Variants in NOL4L observed in about 807,000 individuals in gnomAD.
The protein encoded by NOL4L is nucleolar protein 4 like, also known as nucleolar protein 4-like.
A neutral mutation model predicts 64.5 loss-of-function variants in NOL4L; 7 were observed. That is an observed-to-expected ratio of 0.11 (90% CI 0.06 to 0.20). The LOEUF is 0.20. Ranked by LOEUF, NOL4L falls within the 10% of genes least tolerant of loss-of-function variation. The pLI is 1.00. For missense variants in NOL4L, 680 were observed against 967.1 expected (o/e 0.70, Z 3.94); for synonymous variants, 413 against 401.0 (o/e 1.03, Z -0.36).
intron 6 of NOL4L, among the ~76,000 whole-genome samples, chr20:32,455,494 C>T (rs962940103): frequency 1.3e-5 from 2 of 152,196 alleles, no homozygotes; most frequent in East Asian, 1.9e-4. Context: ...CAGGAAGGCA[C>T]CTCTGGCCCC....
rs142575200 is a variant in NOL4L, at chr20:32,556,750, G to A, written c.321+27820C>T. On this transcript the variant is annotated intron_variant, in intron 1 of 10. Coordinates refer to ENST00000621426, the MANE Select transcript of NOL4L (RefSeq NM_001256798.2). ...CCACTGGGCAGGTCGGGTCTGAGCC[G>A]AGGTGGGCCTGGCAGAGGTCCTGGG... Among the ~76,000 whole-genome samples, 20 of 152,282 alleles carry A rather than the reference G, an allele frequency of 1.3e-4. No individual in the cohort carries two copies. In the South Asian group the frequency reaches 1.9e-3, roughly 14 times the overall value.
At chr20:32,461,894 G>C (rs1293964670) in intron 5 of NOL4L, among the ~76,000 whole-genome samples, 1 of 152,080 alleles carries the variant, frequency 6.6e-6, no homozygotes, top group Non-Finnish European at 1.5e-5. Flanking sequence ...TGGTGCAGCT[G>C]TATTGGGTGG....
intron 4 of NOL4L, among the ~76,000 whole-genome samples, chr20:32,488,565 C>T (rs2016194665): frequency 6.6e-6 from 1 of 152,242 alleles, no homozygotes; most frequent in Non-Finnish European, 1.5e-5. Context: ...ACTCATTTCA[C>T]TGCACACTTG....
At chr20:32,538,553 C>T (rs956258420) in intron 1 of NOL4L, among the ~76,000 whole-genome samples, 2 of 151,580 alleles carry the variant, frequency 1.3e-5, no homozygotes, top group Non-Finnish European at 2.9e-5. Flanking sequence ...GAGAACCCAG[C>T]GTTCCCCAAC....
Position 32,577,123 on chromosome 20 carries a change from G to A in NOL4L, c.321+7447C>T, listed in dbSNP as rs145308978. On this transcript the variant is annotated intron_variant, in intron 1 of 10. Transcript: ENST00000621426. ...TCACAGAACCCAGGGGAGATTAAAT[G>A]GAATAATGTATCTGGCACATGGCAG... Among the ~76,000 whole-genome samples the A allele has an allele frequency of 7.9e-5, 12 of 152,344 alleles. No homozygotes were observed. The East Asian group carries it at 2.3e-3, about 29-fold the overall frequency.
In NOL4L at chr20:32,584,554, C is replaced by T; in HGVS notation, c.321+16G>A. 2 of 1,326,112 alleles carry T rather than the reference C, an allele frequency of 1.5e-6. No individual in the cohort carries two copies. The highest frequency in any genetic ancestry group is 1.9e-6 in the Non-Finnish European group (2 of 1,032,826). The allele number at this position is 1,326,112 out of a possible 1,614,324, so 82.1% of individuals were successfully genotyped here. A position where few individuals can be genotyped will look rare whatever the true frequency, so the allele number is the denominator to read the frequency against. ...CCGCGGCGGGACCCGCCCGCGGCCG[C>T]CGCGCGCGCACTCACCGAGCCCGTC... On this transcript the variant is annotated intron_variant, in intron 1 of 10. Coordinates refer to ENST00000621426, the MANE Select transcript of NOL4L (RefSeq NM_001256798.2).
chr20:32,564,796 G>A (rs1317288086), intron 1 of NOL4L, among the ~76,000 whole-genome samples: 1 of 152,254 alleles, frequency 6.6e-6, no homozygotes, highest in Admixed American at 6.5e-5. Context: ...GCAGCCCAGT[G>A]CCTCGGGGGG....
chr20:32,448,445 G>GA (rs1251647883), intron 10 of NOL4L, among the ~76,000 whole-genome samples: 3 of 152,218 alleles, frequency 2.0e-5, no homozygotes, highest in Non-Finnish European at 2.9e-5. Flanking sequence ...TGTCTGGGGG[G>GA]AGAGGTACAG....
chr20:32,558,366 T>C (rs1978789004), intron 1 of NOL4L, among the ~76,000 whole-genome samples: 1 of 152,230 alleles, frequency 6.6e-6, no homozygotes, highest in Admixed American at 6.5e-5. Flanking sequence ...GTCTCTTCTT[T>C]TGATCAGATC....
chr20:32,447,289 G>GTGAT lies in NOL4L; in HGVS notation c.*303_*306dup, dbSNP rs770272633. ...GATTCTAACATCAGGGTCCACGAAG[G>GTGAT]TGATTCTAAACAGAGCTGCAGCCCC... On this transcript the variant is annotated 3_prime_UTR_variant, in exon 11 of 11. Coordinates refer to ENST00000621426, the MANE Select transcript of NOL4L (RefSeq NM_001256798.2). 1.5e-4 allele frequency: 87 copies of GTGAT among 582,070 alleles called. 1 individual carries two copies. The highest frequency in any genetic ancestry group is 1.3e-3 in the South Asian group (85 of 65,714). 36.1% of individuals were successfully genotyped at this position (582,070 alleles called of 1,614,324 possible).
At chr20:32,498,420 T>TAAAAA (rs11482808) in intron 4 of NOL4L, among the ~76,000 whole-genome samples, 1 of 145,412 alleles carries the variant, frequency 6.9e-6, no homozygotes, top group Non-Finnish European at 1.5e-5. Context: ...TCTGTTCTCT[T>TAAAAA]AAAAAAAAAA....
chr20:32,559,192 A>G (rs539167366), intron 1 of NOL4L, among the ~76,000 whole-genome samples: 212 of 152,148 alleles, frequency 1.4e-3, no homozygotes, highest in Non-Finnish European at 2.6e-3. Flanking sequence ...CTTCCCTATC[A>G]TGAAGGCAGG....
At chr20:32,520,285 CA>C (rs11305733) in intron 3 of NOL4L, 41,907 of 129,216 alleles carry the variant, frequency 0.32, 6,617 homozygotes, top group East Asian at 0.76. Flanking sequence ...GACTTTGTCT[CA>C]AAAAAAAAAA....
At chr20:32,458,415 C>G (rs1435088309) in intron 5 of NOL4L, among the ~76,000 whole-genome samples, 1 of 152,236 alleles carries the variant, frequency 6.6e-6, no homozygotes, top group South Asian at 2.1e-4. Flanking sequence ...CCCCAGCTTG[C>G]TGCCCGGCCC....
chr20:32,580,405 C>T (rs1480975290), intron 1 of NOL4L, among the ~76,000 whole-genome samples: 1 of 152,218 alleles, frequency 6.6e-6, no homozygotes, highest in Non-Finnish European at 1.5e-5. Context: ...AGTCAGAGGC[C>T]ATTTCCCGCC....
chr20:32,469,926 T>TCA (rs1394111915), intron 5 of NOL4L, among the ~76,000 whole-genome samples: 1 of 152,216 alleles, frequency 6.6e-6, no homozygotes, highest in Non-Finnish European at 1.5e-5. Context: ...CAAAGGGCCC[T>TCA]CAGTGCCTTT....
chr20:32,559,890 C>T (rs1289260954), intron 1 of NOL4L, among the ~76,000 whole-genome samples: 1 of 152,244 alleles, frequency 6.6e-6, no homozygotes, highest in Non-Finnish European at 1.5e-5. Flanking sequence ...CTGCCGCCCA[C>T]GCGGCCTCCC....
chr20:32,514,557 C>T (rs2017564785), intron 3 of NOL4L, among the ~76,000 whole-genome samples: 1 of 151,908 alleles, frequency 6.6e-6, no homozygotes, highest in African/African-American at 2.4e-5. Flanking sequence ...GGAACCACCC[C>T]CTCCTCCTCC....
At chr20:32,550,575 G>A (rs1429443770) in intron 1 of NOL4L, among the ~76,000 whole-genome samples, 3 of 152,000 alleles carry the variant, frequency 2.0e-5, no homozygotes, top group Non-Finnish European at 2.9e-5. Flanking sequence ...GTGAAACTTC[G>A]TCTCTACTAA....
Sources: gnomAD v4.1 joint callset for allele counts (sites outside exome capture counted in the v4.1 genomes callset) on GRCh38, gnomAD v4.1.1 for gene constraint, MANE v1.5 for transcripts, NCBI Gene and HGNC (gene_info 2026-07-23, HGNC 2026-07-21) for gene names.